The following ARHGEF4 variants were observed in gnomAD, a reference collection of about 807,000 sequenced individuals.
ARHGEF4 encodes the protein APC-stimulated guanine nucleotide exchange factor 1.
A neutral mutation model predicts 162.0 loss-of-function variants in ARHGEF4; 119 were observed. The observed-to-expected ratio is 0.73, with a 90% CI of 0.63 to 0.86. The LOEUF (loss-of-function observed/expected upper bound fraction) is 0.86, where lower values mean the gene tolerates loss of function less well. Ranked by LOEUF, ARHGEF4 falls within the 40% of genes least tolerant of loss-of-function variation. The probability of loss-of-function intolerance (pLI) is 0.00; values close to 1 mark genes in which losing one functional copy is unlikely to be tolerated. For synonymous variants in ARHGEF4, 1,014 were observed against 979.9 expected (o/e 1.03, Z -0.65); for missense variants, 2,488 against 2,456.0 (o/e 1.01, Z -0.28).
rs1023120170 is a variant in ARHGEF4 at position 130,915,687 on chromosome 2, C to T, written c.1741C>T (p.Gln581Ter). The T allele has an allele frequency of 6.4e-7, 1 of 1,550,434 alleles. No homozygotes were observed. The highest frequency in any genetic ancestry group is 8.7e-7 in the Non-Finnish European group (1 of 1,146,960). The change falls in exon 2 of 14, where the codon CAG (glutamine) becomes TAG (stop). Residue 581 changes from glutamine (Q) to a stop codon, truncating the protein, a stop_gained. Transcript: ENST00000409359. LOFTEE classifies it high-confidence loss of function. ...AMVLDPNYREQALQGLSEFKA... is the reference protein window; with the variant it reads ...AMVLDPNYRE ...GGTTCTAGACCCCAACTACAGGGAA[C>T]AGGCTTTGCAAGGTCTTTCAGAATT...
At chr2:130,950,688 C>CCCCG (rs989584598) in intron 4 of ARHGEF4, among the ~76,000 whole-genome samples, 12 of 143,694 alleles carry the variant, frequency 8.4e-5, no homozygotes, top group Non-Finnish European at 1.2e-4. Flanking sequence ...TAGCTATTAC[C>CCCCG]CCCCACCACC....
intron 1 of ARHGEF4, among the ~76,000 whole-genome samples, chr2:130,843,694 A>T (rs556952644): frequency 1.6e-4 from 25 of 152,180 alleles, no homozygotes; most frequent in Non-Finnish European, 2.9e-4. Flanking sequence ...CAAGTTCTCA[A>T]GCACCCCCTG....
In ARHGEF4 at chr2:130,915,083, T is replaced by C; in HGVS notation, c.1137T>C (p.Pro379=). 1 of 1,550,650 alleles carries C rather than the reference T, an allele frequency of 6.4e-7. No individual in the cohort carries two copies. Among genetic ancestry groups the C allele is most frequent in the Non-Finnish European group, 8.7e-7 (1 of 1,147,010 alleles). ...NERDPRIQNI[P]SPAPTQLSGP... Reference sequence around the variant, plus strand: ...GAGATCCAAGAATACAAAACATCCCTTCCCCTGCACCCACCCAGCTGTCTG... The same window carrying C: ...GAGATCCAAGAATACAAAACATCCCCTCCCCTGCACCCACCCAGCTGTCTG... The change falls in exon 2 of 14, where the codon CCT becomes CCC. Residue 379 remains proline (P), a synonymous_variant. Transcript: ENST00000409359.
intron 1 of ARHGEF4, among the ~76,000 whole-genome samples, chr2:130,871,766 C>T (rs1678502527): frequency 6.6e-6 from 1 of 152,044 alleles, no homozygotes; most frequent in Non-Finnish European, 1.5e-5. Flanking sequence ...CAGGTCCACT[C>T]TCCCCTACAC....
At chr2:130,894,058 A>G (rs552964540) in intron 1 of ARHGEF4, among the ~76,000 whole-genome samples, 5 of 152,214 alleles carry the variant, frequency 3.3e-5, no homozygotes, top group Admixed American at 6.5e-5. Flanking sequence ...CCGGCACATC[A>G]TCTGTGGGTA....
chr2:130,878,927 A>G (rs1159940487), intron 1 of ARHGEF4, among the ~76,000 whole-genome samples: 1 of 152,246 alleles, frequency 6.6e-6, no homozygotes, highest in Non-Finnish European at 1.5e-5. Flanking sequence ...ATGGGGACAC[A>G]TAAGAGAGGA....
At chr2:130,867,936 C>CTTTTT (rs1156618796) in intron 1 of ARHGEF4, among the ~76,000 whole-genome samples, 1 of 119,936 alleles carries the variant, frequency 8.3e-6, no homozygotes. Flanking sequence ...TTTTTTTTTT[C>CTTTTT]TTTTTTTTTT....
At position 131,011,808 on chromosome 2, in the gene ARHGEF4, C is replaced by T. The variant is rs142571224; in HGVS notation, c.3986-16137C>T. ...TGATTTATTGTAGTTTACCAAGGAC[C>T]GCTCAGGGTATTGTGCAGAGGGAAG... On this transcript the variant is annotated intron_variant, in intron 4 of 13. Coordinates refer to ENST00000409359, the MANE Select transcript of ARHGEF4 (RefSeq NM_001367493.1). 1,406 of 778,874 alleles carry T rather than the reference C, an allele frequency of 1.8e-3. 17 individuals carry two copies. In the African/African-American group the frequency reaches 0.021, roughly 12 times the overall value. The allele number at this position is 778,874 out of a possible 1,614,324, so 48.2% of individuals were successfully genotyped here. A position where few individuals can be genotyped will look rare whatever the true frequency, so the allele number is the denominator to read the frequency against.
intron 4 of ARHGEF4, among the ~76,000 whole-genome samples, chr2:130,987,452 G>A (rs997939238): frequency 1.3e-5 from 2 of 152,232 alleles, no homozygotes; most frequent in African/African-American, 2.4e-5. Context: ...TCCACAGCAT[G>A]GAACAGGACC....
At chr2:130,912,254 TAC>T (rs1001630956) in intron 1 of ARHGEF4, among the ~76,000 whole-genome samples, 22 of 152,220 alleles carry the variant, frequency 1.4e-4, no homozygotes, top group Admixed American at 4.6e-4. Flanking sequence ...GGCCCTGCCG[TAC>T]AGTCAGGGCG....
rs779084802 is a variant in ARHGEF4, at chr2:131,040,348, C to T, written c.4570C>T (p.Arg1524Cys). 9.9e-6 allele frequency: 16 copies of T among 1,612,066 alleles called. No individual in the cohort carries two copies. The African/African-American group carries it at 1.6e-4, about 16-fold the overall frequency. ...TIFGNIEDIY[R>C]CQKAFVKALE... is the part of the protein sequence containing the mutation. ...CTTCGGGAACATCGAGGACATCTAC[C>T]GCTGCCAGAAGGCCTTCGTGAAGGC... Residue 1524 changes from arginine (R) to cysteine (C), a missense_variant, in exon 8 of 14, where the codon CGC becomes TGC. Arg to Cys is a radical substitution (Grantham distance 180, BLOSUM62 -3). This residue lies in a region of ARHGEF4 where 415 missense variants were observed against 512.4 expected (regional missense o/e 0.81). Coordinates refer to ENST00000409359, the MANE Select transcript of ARHGEF4 (RefSeq NM_001367493.1).
At chr2:130,967,366 C>A (rs532295054) in intron 4 of ARHGEF4, among the ~76,000 whole-genome samples, 1 of 152,222 alleles carries the variant, frequency 6.6e-6, no homozygotes, top group East Asian at 1.9e-4. Flanking sequence ...CTGGAGCCTC[C>A]AGCCCATCAG....
intron 1 of ARHGEF4, among the ~76,000 whole-genome samples, chr2:130,854,688 A>G (rs559598638): frequency 6.6e-6 from 1 of 152,146 alleles, no homozygotes; most frequent in East Asian, 1.9e-4. Flanking sequence ...AGGAGGGGCG[A>G]GACAGGAAGA....
At chr2:130,960,255 C>T (rs1412426909) in intron 4 of ARHGEF4, among the ~76,000 whole-genome samples, 1 of 152,160 alleles carries the variant, frequency 6.6e-6, no homozygotes, top group Non-Finnish European at 1.5e-5. Context: ...TCCAGTCCTG[C>T]AAGCTGTATT....
chr2:130,986,824 C>T (rs1050561399), intron 4 of ARHGEF4, among the ~76,000 whole-genome samples: 3 of 152,210 alleles, frequency 2.0e-5, no homozygotes, highest in African/African-American at 7.2e-5. Context: ...TCTCTGGCTG[C>T]CTTCTTTCTC....
At chr2:131,021,130 G>A (rs2105353417) in intron 4 of ARHGEF4, among the ~76,000 whole-genome samples, 1 of 152,218 alleles carries the variant, frequency 6.6e-6, no homozygotes, top group East Asian at 1.9e-4. Context: ...CTCCCATTCT[G>A]TAGGTTGCCT....
intron 4 of ARHGEF4, among the ~76,000 whole-genome samples, chr2:131,012,546 A>G (rs1432365597): frequency 8.2e-6 from 1 of 121,578 alleles, no homozygotes; most frequent in African/African-American, 3.2e-5. Context: ...GAACCAAGGC[A>G]TTTTTGCCAG....
intron 1 of ARHGEF4, among the ~76,000 whole-genome samples, chr2:130,884,320 C>CA (rs1559018995): frequency 2.4e-4 from 36 of 151,632 alleles, no homozygotes; most frequent in African/African-American, 8.5e-4. Context: ...ACACACACAC[C>CA]CACACTATAG....
At chr2:130,951,380 A>G (rs990930595) in intron 4 of ARHGEF4, among the ~76,000 whole-genome samples, 3 of 152,180 alleles carry the variant, frequency 2.0e-5, no homozygotes, top group Non-Finnish European at 4.4e-5. Context: ...TCTTCCTTTC[A>G]CTTGAAAACT....
Sources: allele counts gnomAD v4.1 joint callset (sites outside exome capture counted in the v4.1 genomes callset), GRCh38; gene constraint gnomAD v4.1.1; regional missense constraint gnomAD v4.1.1; transcripts MANE v1.5; gene names NCBI Gene and HGNC (gene_info 2026-07-23, HGNC 2026-07-21).